The following GOLT1A variants were observed in gnomAD, a reference collection of about 807,000 sequenced individuals.
The protein encoded by GOLT1A is golgi transport 1A.
In GOLT1A, 10 loss-of-function variants were observed where a neutral mutation model predicts 16.1. The ratio of observed to expected loss-of-function variants is 0.62; its 90% CI spans 0.38 to 1.05. The LOEUF (loss-of-function observed/expected upper bound fraction) is 1.05, where lower values mean the gene tolerates loss of function less well. GOLT1A is among the 50% of genes least tolerant of loss of function. The probability of loss-of-function intolerance (pLI) is 0.01; values close to 1 mark genes in which losing one functional copy is unlikely to be tolerated. For missense variants in GOLT1A, 137 were observed against 165.7 expected (o/e 0.83, Z 0.95); for synonymous variants, 60 against 67.9 (o/e 0.88, Z 0.57).
chr1:204,205,812 G>A (rs1296585522), intron 1 of GOLT1A, among the ~76,000 whole-genome samples: 2 of 152,196 alleles, frequency 1.3e-5, no homozygotes, highest in Non-Finnish European at 2.9e-5. Flanking sequence ...GCTCACACCT[G>A]TAATCCCAGC....
chr1:204,209,776 C>A (rs1659109813), intron 1 of GOLT1A, among the ~76,000 whole-genome samples: 1 of 152,188 alleles, frequency 6.6e-6, no homozygotes, highest in Non-Finnish European at 1.5e-5. Flanking sequence ...GCCTTTTGGG[C>A]AGGCACGGTG....
chr1:204,198,548 A>G (rs758951820), intron 4 of GOLT1A, 52 bp from the exon 5 acceptor site: 16 of 1,539,690 alleles, frequency 1.0e-5, no homozygotes, highest in Middle Eastern at 1.7e-4. Flanking sequence ...AGCAGATGCA[A>G]TATCTAGTTA....
chr1:204,202,995 G>A lies in GOLT1A; in HGVS notation c.26-8C>T, dbSNP rs756803387. 1.9e-6 allele frequency: 3 copies of A among 1,611,942 alleles called. No individual in the cohort carries two copies. The East Asian group carries it at 6.7e-5, about 36-fold the overall frequency. ...TGATCCCCACACCAATCTCTGCAAT[G>A]GGCAAGGAGGTGGTGGAGGAAAGGG... is the stretch of plus-strand genomic sequence containing the variant. On this transcript the variant is annotated splice_polypyrimidine_tract_variant and splice_region_variant and intron_variant, in intron 1 of 4. Coordinates refer to ENST00000308302, the MANE Select transcript of GOLT1A (RefSeq NM_198447.2).
intron 1 of GOLT1A, among the ~76,000 whole-genome samples, chr1:204,211,451 G>A (rs753970914): frequency 1.3e-5 from 2 of 152,144 alleles, no homozygotes; most frequent in African/African-American, 4.8e-5. Flanking sequence ...TTCCTGGTCT[G>A]CAACACCCTG....
At chr1:204,207,543 C>G (rs1659061026) in intron 1 of GOLT1A, among the ~76,000 whole-genome samples, 2 of 152,240 alleles carry the variant, frequency 1.3e-5, no homozygotes, top group Admixed American at 1.3e-4. Context: ...CATTTTGTGG[C>G]TCACTTTAAG....
At chr1:204,198,595 G>C in intron 4 of GOLT1A, 99 bp from the exon 5 acceptor site, 2 of 1,171,172 alleles carry the variant, frequency 1.7e-6, no homozygotes, top group Non-Finnish European at 2.5e-6. Context: ...AGCTGTGCCA[G>C]GCGCAGATAC....
chr1:204,209,181 T>C (rs1659102268), intron 1 of GOLT1A, among the ~76,000 whole-genome samples: 1 of 152,252 alleles, frequency 6.6e-6, no homozygotes, highest in Admixed American at 6.5e-5. Flanking sequence ...CTTCAGGTTA[T>C]GCATCTTAGG....
rs1034652218 is a variant in GOLT1A, at chr1:204,199,067, TA to T, written c.360+127del. ...GGAGCCTAAAGCACCAAACCTGGGC[TA>T]GGGGGTCTGAGGGGAGACAGGGGAG... is the stretch of plus-strand genomic sequence containing the variant. On this transcript the variant is annotated intron_variant, in intron 4 of 4. Coordinates refer to ENST00000308302, the MANE Select transcript of GOLT1A (RefSeq NM_198447.2). 3 of 770,970 alleles carry T rather than the reference TA, an allele frequency of 3.9e-6. No individual in the cohort carries two copies. In the Admixed American group the frequency reaches 6.8e-5, roughly 17 times the overall value. The allele number at this position is 770,970 out of a possible 1,614,324, so 47.8% of individuals were successfully genotyped here.
intron 1 of GOLT1A, among the ~76,000 whole-genome samples, chr1:204,208,730 A>T (rs545113498): frequency 3.3e-5 from 5 of 152,042 alleles, no homozygotes; most frequent in African/African-American, 1.2e-4. Context: ...GCTGAAGGAT[A>T]CAAGACTACA....
At chr1:204,213,288 C>CA (rs1659166923) in intron 1 of GOLT1A, among the ~76,000 whole-genome samples, 1 of 152,140 alleles carries the variant, frequency 6.6e-6, no homozygotes, top group Non-Finnish European at 1.5e-5. Flanking sequence ...GTTGAGTGAA[C>CA]AAAAGAATGT....
At chr1:204,212,386 G>A (rs1430581036) in intron 1 of GOLT1A, among the ~76,000 whole-genome samples, 1 of 152,066 alleles carries the variant, frequency 6.6e-6, no homozygotes, top group East Asian at 1.9e-4. Context: ...TGTAATCCCA[G>A]CACTTTGGGA....
At chr1:204,199,946 C>T (rs988321859) in intron 3 of GOLT1A, among the ~76,000 whole-genome samples, 4 of 152,156 alleles carry the variant, frequency 2.6e-5, no homozygotes, top group Admixed American at 2.6e-4. Flanking sequence ...TCTGGCTGAG[C>T]CACTTCCTTA....
chr1:204,205,475 G>C (rs1429123151), intron 1 of GOLT1A, among the ~76,000 whole-genome samples: 1 of 152,146 alleles, frequency 6.6e-6, no homozygotes, highest in Non-Finnish European at 1.5e-5. Context: ...GGACTTGTTA[G>C]AATCAGTTCT....
chr1:204,199,165 C>G, intron 4 of GOLT1A, 30 bp downstream of exon 4: 2 of 1,562,002 alleles, frequency 1.3e-6, no homozygotes, highest in Non-Finnish European at 1.7e-6. Context: ...CCAGGGTACG[C>G]CCGCAGGGCT....
At chr1:204,202,770 T>C (rs986287246) in intron 2 of GOLT1A, 126 bp downstream of exon 2, 14 of 718,570 alleles carry the variant, frequency 1.9e-5, no homozygotes, top group Admixed American at 8.8e-5. Flanking sequence ...AAACTTGGGA[T>C]TTACTTAAGG....
In GOLT1A at chr1:204,213,944, G is replaced by A. The variant is rs769868807; in HGVS notation, c.-38C>T. The A allele has an allele frequency of 2.2e-5, 35 of 1,609,188 alleles. No homozygotes were observed. The South Asian group carries it at 3.2e-4, about 15-fold the overall frequency. On this transcript the variant is annotated 5_prime_UTR_variant, in exon 1 of 5. Transcript: ENST00000308302. ...CTGGGGGGCTTTCCGGGTGGAAGCG[G>A]GCAAGTGGAGCGTGGCCCAGAGGAC... is the stretch of plus-strand genomic sequence containing the variant.
intron 3 of GOLT1A, among the ~76,000 whole-genome samples, chr1:204,200,316 T>TATATATATATATATATATATATAC: frequency 8.5e-6 from 1 of 116,966 alleles, no homozygotes; most frequent in African/African-American, 4.4e-5. Flanking sequence ...TATATATATA[T>TATATATATATATATATATATATAC]ATATGTTTTT....
Position 204,200,299 on chromosome 1 carries a change from GTATA to G in GOLT1A, c.297-1045_297-1042del, listed in dbSNP as rs141284578. ...GACTGTTTGAAAATGACATATATGT[GTATA>G]TATATATATATATATATGTTTTTGT... On this transcript the variant is annotated intron_variant, in intron 3 of 4. Transcript: ENST00000308302. Among the ~76,000 whole-genome samples, 122 of 82,678 alleles carry G rather than the reference GTATA, an allele frequency of 1.5e-3. 7 individuals carry two copies. The highest frequency in any genetic ancestry group is 0.01 in the East Asian group (25 of 2,494). The allele number at this position is 82,678 out of a possible 152,430, so 54.2% of individuals were successfully genotyped here. A position where few individuals can be genotyped will look rare whatever the true frequency, so the allele number is the denominator to read the frequency against.
intron 1 of GOLT1A, among the ~76,000 whole-genome samples, chr1:204,206,859 A>G (rs1053618581): frequency 6.6e-6 from 1 of 152,232 alleles, no homozygotes; most frequent in African/African-American, 2.4e-5. Flanking sequence ...CTTCTTCTGC[A>G]GCAGTGATTT....
Sources: allele counts gnomAD v4.1 joint callset (sites outside exome capture counted in the v4.1 genomes callset), GRCh38; gene constraint gnomAD v4.1.1; transcripts MANE v1.5; gene names NCBI Gene and HGNC (gene_info 2026-07-23, HGNC 2026-07-21).